The following LRP2 variants were observed in gnomAD, a reference collection of about 807,000 sequenced individuals.
The protein encoded by LRP2 is LDL receptor related protein 2, also known as low-density lipoprotein receptor-related protein 2.
Under a neutral mutation model 531.0 loss-of-function variants are expected in LRP2, and 172 were observed. That is an observed-to-expected ratio of 0.32 (90% CI 0.29 to 0.37). The LOEUF is 0.37. Ranked by LOEUF, LRP2 falls within the 10% of genes least tolerant of loss-of-function variation. The pLI, the probability that LRP2 is intolerant of heterozygous loss-of-function variation, is 1.00. For synonymous variants in LRP2, 1,992 were observed against 2,027.6 expected (o/e 0.98, Z 0.47); for missense variants, 5,167 against 5,868.3 (o/e 0.88, Z 3.90).
chr2:169,221,748 T>C (rs1689016698), intron 33 of LRP2, among the ~76,000 whole-genome samples: 1 of 152,144 alleles, frequency 6.6e-6, no homozygotes, highest in South Asian at 2.1e-4. Flanking sequence ...TAAATTTTTT[T>C]CTCTGCCTAT....
chr2:169,329,665 A>G (rs1293454109), intron 1 of LRP2, among the ~76,000 whole-genome samples: 1 of 152,170 alleles, frequency 6.6e-6, no homozygotes, highest in African/African-American at 2.4e-5. Context: ...AATCCCCAGA[A>G]CCTCACCCCA....
rs1285643505 is a variant in LRP2, at chr2:169,277,769, G to C, written c.1748C>G (p.Thr583Ser). 5.0e-6 allele frequency: 8 copies of C among 1,613,908 alleles called. No homozygotes were observed. The East Asian group carries it at 1.8e-4, about 36-fold the overall frequency. ...CCTTTGAATTCCATCATAAGTTACA[G>C]TTTCAATGTAATCAAACCGAGAGTC... ...WVDSRFDYIE[T>S]VTYDGIQRKT... is the part of the protein sequence containing the mutation. Residue 583 changes from threonine to serine, a missense_variant, in exon 13 of 79, where the codon ACT becomes AGT. By Grantham distance (58) the Thr-to-Ser change is moderately conservative (BLOSUM62 1). Around this residue, in one of 6 missense-constraint regions of LRP2, gnomAD observed 2,811 missense variants for 3,058.0 expected, o/e 0.92. Transcript: ENST00000649046.
Position 169,223,597 on chromosome 2 carries a change from T to C in LRP2, c.5538+1713A>G, listed in dbSNP as rs78320629. 9.7e-3 allele frequency among the ~76,000 whole-genome samples: 1,472 copies of C among 152,272 alleles called. 26 individuals carry two copies. Among genetic ancestry groups the C allele is most frequent in the African/African-American group, 0.034 (1,405 of 41,534 alleles). ...ACTGTCAAAGAGGGTTAAACCAGTCTGGATTGCCGGAGTTGTAGTTTATAA... is the reference window on the plus strand; with the variant it reads ...ACTGTCAAAGAGGGTTAAACCAGTCCGGATTGCCGGAGTTGTAGTTTATAA... On this transcript the variant is annotated intron_variant, in intron 33 of 78. Transcript: ENST00000649046.
intron 2 of LRP2, among the ~76,000 whole-genome samples, chr2:169,319,156 T>C (rs1684846315): frequency 6.6e-6 from 1 of 152,186 alleles, no homozygotes; most frequent in African/African-American, 2.4e-5. Context: ...AAAAAAATTA[T>C]GATAAAGGTA....
At chr2:169,202,018 A>G (rs1328391295) in intron 43 of LRP2, 148 bp from the exon 44 acceptor site, 25 of 953,112 alleles carry the variant, frequency 2.6e-5, no homozygotes, top group East Asian at 5.3e-5. Flanking sequence ...AAAGTGAGAT[A>G]ACACTTTTAA....
intron 70 of LRP2, among the ~76,000 whole-genome samples, chr2:169,143,708 A>C (rs1480900997): frequency 1.3e-5 from 2 of 152,212 alleles, no homozygotes; most frequent in Admixed American, 1.3e-4. Flanking sequence ...TTCAGATTTG[A>C]ATTGGTCTGG....
Position 169,271,675 on chromosome 2 carries a change from C to T in LRP2, c.2117-568G>A, listed in dbSNP as rs1455211557. The T allele has an allele frequency of 1.2e-5, 11 of 955,200 alleles. No homozygotes were observed. In the African/African-American group the frequency reaches 1.6e-4, roughly 14 times the overall value. 59.2% of individuals were successfully genotyped at this position (955,200 alleles called of 1,614,324 possible). On this transcript the variant is annotated intron_variant, in intron 15 of 78. Transcript: ENST00000649046. Reference sequence around the variant, plus strand: ...CACACAGAAACCTTTCTCACCTGTGCCATCAATCTTTTGTTTAAAAATCAT... The same window carrying T: ...CACACAGAAACCTTTCTCACCTGTGTCATCAATCTTTTGTTTAAAAATCAT...
chr2:169,244,533 G>T (rs1689931028), intron 22 of LRP2, among the ~76,000 whole-genome samples, 160 bp downstream of exon 22: 2 of 152,186 alleles, frequency 1.3e-5, no homozygotes, highest in Admixed American at 1.3e-4. Flanking sequence ...ACGTGCCTTT[G>T]TTCTTGTAAC....
chr2:169,172,059 T>G lies in LRP2; in HGVS notation c.11219A>C (p.Asp3740Ala), dbSNP rs1687026224. Residue 3740 changes from aspartate to alanine, a missense_variant, in exon 58 of 79, where the codon GAT becomes GCT. Coordinates refer to ENST00000649046, the MANE Select transcript of LRP2 (RefSeq NM_004525.3). ...HHCIPLRWQC[D>A]GQNDCGDNSD... ...GTTATCTCCACAGTCATTTTGCCCA[T>G]CACACTGCCAACGAAGAGGGATGCA... is the stretch of plus-strand genomic sequence containing the variant. 18 of 1,614,190 alleles carry G rather than the reference T, an allele frequency of 1.1e-5. No individual in the cohort carries two copies. Among genetic ancestry groups the G allele is most frequent in the Non-Finnish European group, 1.4e-5 (17 of 1,180,020 alleles).
In LRP2 at chr2:169,244,714, C is replaced by G. The variant is rs1201343169; in HGVS notation, c.3409G>C (p.Gly1137Arg). ...VCDTDNDCGD[G>R]SDEKNCNSTE... Reference sequence around the variant, plus strand: ...TTACTGCAGTTCTTTTCATCAGATCCATCCCCACAATCATTGTCTGTGTCA... The same window carrying G: ...TTACTGCAGTTCTTTTCATCAGATCGATCCCCACAATCATTGTCTGTGTCA... Residue 1137 changes from glycine to arginine, a missense_variant, in exon 22 of 79, where the codon GGA (glycine) becomes CGA (arginine). Coordinates refer to ENST00000649046, the MANE Select transcript of LRP2 (RefSeq NM_004525.3). 1 of 1,614,124 alleles carries G rather than the reference C, an allele frequency of 6.2e-7. No homozygotes were observed. The highest frequency in any genetic ancestry group is 1.3e-5 in the African/African-American group (1 of 74,954).
At chr2:169,355,975 C>T (rs1437000096) in intron 1 of LRP2, among the ~76,000 whole-genome samples, 1 of 152,132 alleles carries the variant, frequency 6.6e-6, no homozygotes, top group African/African-American at 2.4e-5. Context: ...ACTGTAGCCT[C>T]GACCTCCTGG....
chr2:169,142,089 C>T (rs1264206059), intron 71 of LRP2, among the ~76,000 whole-genome samples: 1 of 152,200 alleles, frequency 6.6e-6, no homozygotes, highest in African/African-American at 2.4e-5. Context: ...TTTTCCAGCA[C>T]CGGATGCTAG....
At chr2:169,338,805 C>T (rs1685490121) in intron 1 of LRP2, among the ~76,000 whole-genome samples, 1 of 152,140 alleles carries the variant, frequency 6.6e-6, no homozygotes, top group South Asian at 2.1e-4. Flanking sequence ...GCGAAGACTG[C>T]TTAGAAGCCA....
intron 18 of LRP2, among the ~76,000 whole-genome samples, chr2:169,256,683 T>G (rs190071149): frequency 6.6e-6 from 1 of 152,252 alleles, no homozygotes; most frequent in Admixed American, 6.6e-5. Flanking sequence ...CTTATACTTT[T>G]AAAGTCCTCC....
chr2:169,195,507 G>T (rs1001563540), intron 46 of LRP2, among the ~76,000 whole-genome samples: 1 of 151,924 alleles, frequency 6.6e-6, no homozygotes, highest in African/African-American at 2.4e-5. Context: ...ATATATTTCT[G>T]AATATTATTA....
intron 3 of LRP2, among the ~76,000 whole-genome samples, chr2:169,315,800 CA>C (rs1431015910): frequency 6.6e-6 from 1 of 151,826 alleles, no homozygotes; most frequent in Admixed American, 6.6e-5. Context: ...TGCTGACACC[CA>C]AATGAGAGAT....
At chr2:169,243,257 G>A (rs1178598664) in intron 23 of LRP2, 146 bp downstream of exon 23, 4 of 998,442 alleles carry the variant, frequency 4.0e-6, no homozygotes, top group South Asian at 3.0e-5. Flanking sequence ...ATCTACATTA[G>A]GTATTTCTCC....
At chr2:169,152,240 T>C (rs955783841) in intron 67 of LRP2, among the ~76,000 whole-genome samples, 1 of 152,208 alleles carries the variant, frequency 6.6e-6, no homozygotes, top group African/African-American at 2.4e-5. Context: ...CAGAAGAGAC[T>C]GACACCTCTA....
At chr2:169,295,063 T>C (rs1326669412) in intron 4 of LRP2, among the ~76,000 whole-genome samples, 2 of 152,222 alleles carry the variant, frequency 1.3e-5, no homozygotes, top group Non-Finnish European at 2.9e-5. Context: ...AATTTAACTT[T>C]AGTTCAAAAT....
Sources: gnomAD v4.1 joint callset for allele counts (sites outside exome capture counted in the v4.1 genomes callset) on GRCh38, gnomAD v4.1.1 for gene constraint, gnomAD v4.1.1 regional missense constraint, MANE v1.5 for transcripts, NCBI Gene and HGNC (gene_info 2026-07-23, HGNC 2026-07-21) for gene names.